Variants in ABTB3 observed in about 807,000 individuals in gnomAD.
ABTB3 encodes ankyrin repeat- and BTB/POZ domain-containing protein 3.
the ABTB3 span, among the ~76,000 whole-genome samples, chr12:107,589,700 T>C: frequency 7.2e-5 from 11 of 152,338 alleles, no homozygotes; most frequent in Admixed American, 2.6e-4. Context: ...TGGACTATTA[T>C]AGAAGAAAGG....
At chr12:107,440,282 TC>T in the ABTB3 span, among the ~76,000 whole-genome samples, 1 of 152,212 alleles carries the variant, frequency 6.6e-6, no homozygotes, top group African/African-American at 2.4e-5. Flanking sequence ...CACCTTGGTG[TC>T]CTCCACACAG....
chr12:107,328,462 G>A, the ABTB3 span, among the ~76,000 whole-genome samples: 1 of 152,178 alleles, frequency 6.6e-6, no homozygotes, highest in Non-Finnish European at 1.5e-5. Context: ...TGGATGCAAA[G>A]ATAAAATGTC....
At chr12:107,615,220 A>T in the ABTB3 span, 7 of 1,358,248 alleles carry the variant, frequency 5.2e-6, no homozygotes, top group East Asian at 2.3e-5. Context: ...TCCATAACAC[A>T]CATCTATACC....
chr12:107,404,307 C>T, the ABTB3 span, among the ~76,000 whole-genome samples: 1 of 151,904 alleles, frequency 6.6e-6, no homozygotes, highest in African/African-American at 2.4e-5. Context: ...TCTAATGATC[C>T]ATGTCCCATC....
chr12:107,615,261 C>A, the ABTB3 span: 1 of 900,576 alleles, frequency 1.1e-6, no homozygotes, highest in Non-Finnish European at 1.7e-6. Context: ...CTAAGACATT[C>A]ATATTGGTTA....
At chr12:107,612,824 G>A in the ABTB3 span, 22 of 1,613,832 alleles carry the variant, frequency 1.4e-5, no homozygotes, top group African/African-American at 4.0e-5. Flanking sequence ...GGGACGAGGC[G>A]ATGGTTCAGA....
chr12:107,580,815 C>T, the ABTB3 span: 1 of 1,520,082 alleles, frequency 6.6e-7, no homozygotes, highest in Non-Finnish European at 8.9e-7. Flanking sequence ...TCAAGTGACT[C>T]ATCCTTATGT....
chr12:107,520,563 G>A, the ABTB3 span: 6 of 1,614,238 alleles, frequency 3.7e-6, no homozygotes, highest in East Asian at 1.1e-4. Flanking sequence ...AACTGCCCAT[G>A]TTCAGCCAGT....
At chr12:107,438,061 T>G in the ABTB3 span, among the ~76,000 whole-genome samples, 1 of 152,068 alleles carries the variant, frequency 6.6e-6, no homozygotes, top group South Asian at 2.1e-4. Context: ...TATTCTCTAA[T>G]GGGGAGACCA....
chr12:107,435,540 A>C, the ABTB3 span, among the ~76,000 whole-genome samples: 2 of 152,252 alleles, frequency 1.3e-5, no homozygotes, highest in African/African-American at 4.8e-5. Context: ...CTTGTTTGGC[A>C]TCTGTCTCAT....
the ABTB3 span, among the ~76,000 whole-genome samples, chr12:107,453,963 A>G: frequency 6.6e-6 from 1 of 152,194 alleles, no homozygotes; most frequent in Non-Finnish European, 1.5e-5. Flanking sequence ...GGCACTGTTT[A>G]CTGAGGGGTG....
chr12:107,320,155 C>T, the ABTB3 span: 18 of 1,347,526 alleles, frequency 1.3e-5, no homozygotes, highest in South Asian at 3.4e-4. Context: ...GTCCCCCTCC[C>T]GCGTCTTCCC....
chr12:107,641,831 T>G, the ABTB3 span, among the ~76,000 whole-genome samples: 4 of 152,238 alleles, frequency 2.6e-5, no homozygotes, highest in African/African-American at 9.6e-5. Flanking sequence ...TAACAGGCAC[T>G]CATTCTTTTC....
chr12:107,420,397 G>A, the ABTB3 span, among the ~76,000 whole-genome samples: 1 of 152,162 alleles, frequency 6.6e-6, no homozygotes, highest in South Asian at 2.1e-4. Context: ...ATGGCGTAAG[G>A]CAAAGGAAGA....
the ABTB3 span, among the ~76,000 whole-genome samples, chr12:107,457,775 C>G: frequency 6.6e-6 from 1 of 152,194 alleles, no homozygotes; most frequent in Non-Finnish European, 1.5e-5. Flanking sequence ...CTGTACCTTC[C>G]CACTTGGCAG....
the ABTB3 span, among the ~76,000 whole-genome samples, chr12:107,321,117 C>G: frequency 2.0e-5 from 3 of 152,210 alleles, no homozygotes; most frequent in African/African-American, 7.2e-5. Context: ...TAACTGGAGA[C>G]TCTAAAGGCG....
chr12:107,330,095 C>T, the ABTB3 span, among the ~76,000 whole-genome samples: 15,418 of 151,988 alleles, frequency 0.1, 1,097 homozygotes, highest in African/African-American at 0.2. Context: ...TTGGTGAATG[C>T]GAACTGCATG....
chr12:107,612,857 C>A, the ABTB3 span: 16 of 1,613,660 alleles, frequency 9.9e-6, no homozygotes, highest in Non-Finnish European at 1.3e-5. Context: ...CCGGAGCTGA[C>A]CTGAATGTGG....
At chr12:107,594,062 T>C in the ABTB3 span, among the ~76,000 whole-genome samples, 3 of 152,200 alleles carry the variant, frequency 2.0e-5, no homozygotes, top group Non-Finnish European at 4.4e-5. Flanking sequence ...CAGCAAACAG[T>C]CTCTGCCAGA....
Sources: gnomAD v4.1 joint callset for allele counts (sites outside exome capture counted in the v4.1 genomes callset) on GRCh38, gnomAD v4.1.1 for gene constraint, MANE v1.5 for transcripts, NCBI Gene and HGNC (gene_info 2026-07-23, HGNC 2026-07-21) for gene names.